GPR89B: variants seen among roughly 807,000 people sequenced by gnomAD.
The protein encoded by GPR89B is G protein-coupled receptor 89B.
A neutral mutation model predicts 52.4 loss-of-function variants in GPR89B; 25 were observed. That is an observed-to-expected ratio of 0.48 (90% CI 0.35 to 0.67). The LOEUF (loss-of-function observed/expected upper bound fraction) is 0.67, where lower values mean the gene tolerates loss of function less well. GPR89B is among the 30% of genes least tolerant of loss of function. The probability of loss-of-function intolerance (pLI) is 0.01; values close to 1 mark genes in which losing one functional copy is unlikely to be tolerated. For missense variants in GPR89B, 146 were observed against 450.2 expected (o/e 0.32, Z 6.11); for synonymous variants, 52 against 151.2 (o/e 0.34, Z 4.81).
At chr1:148,005,801 CAG>C in the GPR89B span, among the ~76,000 whole-genome samples, 1 of 151,916 alleles carries the variant, frequency 6.6e-6, no homozygotes, top group Non-Finnish European at 1.5e-5. Context: ...GGGAGTAACA[CAG>C]AGATCTACAT....
chr1:147,962,671 C>T (rs1292678106), intron 7 of GPR89B, among the ~76,000 whole-genome samples: 11 of 151,334 alleles, frequency 7.3e-5, no homozygotes, highest in Non-Finnish European at 1.5e-4. Context: ...CCAAGGCGGA[C>T]GGATCACTTA....
At chr1:147,955,233 A>C (rs1380113840) in intron 7 of GPR89B, among the ~76,000 whole-genome samples, 5 of 151,998 alleles carry the variant, frequency 3.3e-5, no homozygotes, top group Non-Finnish European at 5.9e-5. Context: ...CAAATGAAAG[A>C]ATTTCCTTCC....
chr1:147,981,647 G>A lies in GPR89B; in HGVS notation c.910-4552G>A, dbSNP rs1658261007. Among the ~76,000 whole-genome samples, 2 of 151,344 alleles carry A rather than the reference G, an allele frequency of 1.3e-5. 1 individual carries two copies. Among genetic ancestry groups the A allele is most frequent in the African/African-American group, 4.9e-5 (2 of 40,926 alleles). On this transcript the variant is annotated intron_variant, in intron 10 of 13. Transcript: ENST00000314163. ...CAATAATGCTGATGTGAACATTTGTGTATAATTTTTTTGTTTTTGTTTTGA... is the reference window on the plus strand; with the variant it reads ...CAATAATGCTGATGTGAACATTTGTATATAATTTTTTTGTTTTTGTTTTGA...
At chr1:148,007,481 A>G in the GPR89B span, among the ~76,000 whole-genome samples, 1 of 151,746 alleles carries the variant, frequency 6.6e-6, no homozygotes, top group South Asian at 2.1e-4. Context: ...TGTAATATTT[A>G]GGACATCCAT....
chr1:147,948,755 AAT>A (rs1491214299), intron 5 of GPR89B, among the ~76,000 whole-genome samples: 3 of 148,080 alleles, frequency 2.0e-5, no homozygotes, highest in African/African-American at 7.7e-5. Flanking sequence ...AAGATAAAAT[AAT>A]TTTTTTTTTT....
chr1:148,019,748 A>G, the GPR89B span, among the ~76,000 whole-genome samples: 1 of 152,070 alleles, frequency 6.6e-6, no homozygotes, highest in Non-Finnish European at 1.5e-5. Flanking sequence ...TAACTAGAGG[A>G]GTAATATCCT....
downstream of GPR89B, among the ~76,000 whole-genome samples, chr1:147,995,296 T>A (rs1659288822): frequency 6.6e-6 from 1 of 150,394 alleles, no homozygotes; most frequent in African/African-American, 2.5e-5. Flanking sequence ...AGAATTCATA[T>A]CTAGATCATC....
Position 147,928,468 on chromosome 1 carries a change from C to T in GPR89B, c.-69C>T. ...GAGAAGGCAGACCGTGTGAGGGGGC[C>T]TGTGGCCCCAGCGTGCTGTGGCCTC... On this transcript the variant is annotated 5_prime_UTR_variant, in exon 1 of 14. Transcript: ENST00000314163. 2.5e-6 allele frequency: 4 copies of T among 1,592,988 alleles called. No homozygotes were observed. The South Asian group carries it at 3.3e-5, about 13-fold the overall frequency.
At chr1:148,013,572 G>A in the GPR89B span, among the ~76,000 whole-genome samples, 1 of 152,062 alleles carries the variant, frequency 6.6e-6, no homozygotes, top group African/African-American at 2.4e-5. Flanking sequence ...GGGCCCTGCA[G>A]GATAATGCCT....
At chr1:147,948,273 A>C (rs1448735865) in intron 5 of GPR89B, among the ~76,000 whole-genome samples, 7 of 152,172 alleles carry the variant, frequency 4.6e-5, no homozygotes, top group Non-Finnish European at 4.4e-5. Context: ...GCCCTGAGGC[A>C]GAAAGACCTT....
At chr1:148,002,001 G>T in the GPR89B span, among the ~76,000 whole-genome samples, 417 of 150,268 alleles carry the variant, frequency 2.8e-3, 2 homozygotes, top group Middle Eastern at 7.0e-3. Flanking sequence ...CATGCCTCCA[G>T]GTGCCTTTGG....
chr1:147,939,827 G>T (rs1654393220), intron 3 of GPR89B, among the ~76,000 whole-genome samples: 1 of 151,482 alleles, frequency 6.6e-6, no homozygotes, highest in East Asian at 1.9e-4. Flanking sequence ...GTGAGACCCT[G>T]TCTCTACAAA....
chr1:147,995,743 T>A, downstream of GPR89B: 4 of 1,606,000 alleles, frequency 2.5e-6, no homozygotes, highest in Non-Finnish European at 2.6e-6. Context: ...TTCCACAGAC[T>A]AGAAGTGTGA....
In GPR89B at chr1:147,949,928, AC is replaced by A. The variant is rs1331600468; in HGVS notation, c.416-3410del. ...GGGCGGCTGGCCGGGCGGGGGGCTG[AC>A]CCCCCCACCTCCCTCCCGGACGGTG... On this transcript the variant is annotated intron_variant, in intron 5 of 13. Transcript: ENST00000314163. 4.0e-3 allele frequency among the ~76,000 whole-genome samples: 436 copies of A among 107,938 alleles called. 23 individuals carry two copies. Among genetic ancestry groups the A allele is most frequent in the African/African-American group, 0.017 (413 of 23,804 alleles). The allele number at this position is 107,938 out of a possible 152,430, so 70.8% of individuals were successfully genotyped here.
the GPR89B span, among the ~76,000 whole-genome samples, chr1:148,018,720 G>A: frequency 6.6e-6 from 1 of 151,722 alleles, no homozygotes; most frequent in African/African-American, 2.4e-5. Flanking sequence ...AGGCTGGAGT[G>A]CAATGGTGTG....
intron 10 of GPR89B, among the ~76,000 whole-genome samples, chr1:147,979,040 A>C (rs1658049214): frequency 6.6e-6 from 1 of 151,318 alleles, no homozygotes. Flanking sequence ...TGGAAGAAGC[A>C]TGGTTTCCTG....
At chr1:148,015,745 T>C in the GPR89B span, among the ~76,000 whole-genome samples, 1 of 149,664 alleles carries the variant, frequency 6.7e-6, no homozygotes, top group Non-Finnish European at 1.5e-5. Flanking sequence ...GTCATTCTTG[T>C]ACGGGCATTT....
intron 5 of GPR89B, among the ~76,000 whole-genome samples, chr1:147,950,749 A>G (rs1655606194): frequency 6.6e-6 from 1 of 152,112 alleles, no homozygotes; most frequent in Admixed American, 6.5e-5. Context: ...CGGCCAACAC[A>G]GTGAAACCCC....
intron 5 of GPR89B, among the ~76,000 whole-genome samples, chr1:147,944,895 A>AATATATATAT (rs1224164818): frequency 2.0e-5 from 3 of 148,356 alleles, no homozygotes; most frequent in African/African-American, 7.7e-5. Flanking sequence ...CCTTTTTAAA[A>AATATATATAT]ATATATATAT....
Sources: allele counts gnomAD v4.1 joint callset (sites outside exome capture counted in the v4.1 genomes callset), GRCh38; gene constraint gnomAD v4.1.1; transcripts MANE v1.5; gene names NCBI Gene and HGNC (gene_info 2026-07-23, HGNC 2026-07-21).